DAB1: variants seen among roughly 807,000 people sequenced by gnomAD.
The protein encoded by DAB1 is DAB adaptor protein 1.
A neutral mutation model predicts 64.6 loss-of-function variants in DAB1; 15 were observed. The ratio of observed to expected loss-of-function variants is 0.23; its 90% CI spans 0.16 to 0.36. The LOEUF is 0.36. Among genes scored for constraint, DAB1 ranks in the 10% least tolerant of loss-of-function variants. The pLI, the probability that DAB1 is intolerant of heterozygous loss-of-function variation, is 1.00. For synonymous variants in DAB1, 235 were observed against 251.9 expected (o/e 0.93, Z 0.64); for missense variants, 596 against 706.7 (o/e 0.84, Z 1.78).
intron 8 of DAB1, among the ~76,000 whole-genome samples, chr1:57,067,868 A>G (rs963149350): frequency 6.6e-6 from 1 of 152,154 alleles, no homozygotes; most frequent in African/African-American, 2.4e-5. Context: ...CATTCTACAC[A>G]TGAGCTTGTG....
intron 7 of DAB1, among the ~76,000 whole-genome samples, chr1:57,564,114 C>T (rs1051358384): frequency 7.9e-5 from 12 of 152,164 alleles, no homozygotes; most frequent in African/African-American, 2.9e-4. Flanking sequence ...CAGGCAGCAA[C>T]ATTTGCTATT....
intron 5 of DAB1, among the ~76,000 whole-genome samples, chr1:58,108,115 T>G (rs1651769966): frequency 6.6e-6 from 1 of 152,200 alleles, no homozygotes; most frequent in Non-Finnish European, 1.5e-5. Flanking sequence ...GACTTCATTC[T>G]GAGAGCAAGG....
chr1:57,717,360 A>G (rs1015591610), intron 6 of DAB1, among the ~76,000 whole-genome samples: 14 of 152,318 alleles, frequency 9.2e-5, no homozygotes, highest in African/African-American at 3.4e-4. Context: ...CATTAAAACC[A>G]TCATGAGATA....
chr1:58,053,025 C>T (rs566275745), intron 5 of DAB1, among the ~76,000 whole-genome samples: 4 of 152,252 alleles, frequency 2.6e-5, no homozygotes, highest in African/African-American at 9.6e-5. Context: ...TGGGGAGCTG[C>T]CAGGCTTTTT....
chr1:58,104,065 T>C (rs1651491432), intron 5 of DAB1, among the ~76,000 whole-genome samples: 1 of 152,228 alleles, frequency 6.6e-6, no homozygotes, highest in Admixed American at 6.5e-5. Flanking sequence ...AAAGAGGACC[T>C]ATTTCTAAGA....
intron 3 of DAB1, among the ~76,000 whole-genome samples, chr1:58,504,610 T>C (rs1201548926): frequency 1.3e-5 from 2 of 152,220 alleles, no homozygotes; most frequent in Non-Finnish European, 2.9e-5. Context: ...GAAAACAGAC[T>C]GTTTTGTTCC....
intron 3 of DAB1, among the ~76,000 whole-genome samples, chr1:58,481,513 TA>T (rs1483338241): frequency 4.6e-5 from 7 of 152,114 alleles, no homozygotes; most frequent in Non-Finnish European, 8.8e-5. Flanking sequence ...CATTCAGATT[TA>T]AAAAGGCTCT....
At chr1:57,849,509 T>C (rs1466809493) in intron 1 of DAB1, among the ~76,000 whole-genome samples, 2 of 152,212 alleles carry the variant, frequency 1.3e-5, no homozygotes, top group African/African-American at 2.4e-5. Flanking sequence ...CAATAGGATC[T>C]GGCAGTTGAA....
chr1:58,356,253 T>C (rs1305184057), intron 3 of DAB1, among the ~76,000 whole-genome samples: 1 of 152,154 alleles, frequency 6.6e-6, no homozygotes, highest in Non-Finnish European at 1.5e-5. Context: ...ACAACCTGTA[T>C]GTAAAATGGC....
chr1:57,804,985 G>A (rs116387727), intron 6 of DAB1, among the ~76,000 whole-genome samples: 1 of 152,146 alleles, frequency 6.6e-6, no homozygotes, highest in Admixed American at 6.5e-5. Flanking sequence ...TCCCAGAGGG[G>A]AACAGAATCA....
intron 5 of DAB1, among the ~76,000 whole-genome samples, chr1:58,133,033 C>G (rs191035282): frequency 6.6e-6 from 1 of 152,172 alleles, no homozygotes; most frequent in African/African-American, 2.4e-5. Context: ...AAAAAGCTGA[C>G]AGATCATTAT....
At chr1:58,542,612 T>C (rs750816717) in intron 1 of DAB1, 1 of 152,036 alleles carries the variant, frequency 6.6e-6, no homozygotes, top group Non-Finnish European at 1.5e-5. Flanking sequence ...AATGGGAAAG[T>C]GTTTTAAGGT....
intron 4 of DAB1, among the ~76,000 whole-genome samples, chr1:58,332,478 C>T (rs1213643): frequency 0.83 from 125,604 of 152,174 alleles, 52,565 homozygotes; most frequent in East Asian, 1. Flanking sequence ...TTCCAGTGCA[C>T]ATAAAAGTTA....
At chr1:57,476,502 C>T (rs573816763) in intron 7 of DAB1, among the ~76,000 whole-genome samples, 3 of 152,184 alleles carry the variant, frequency 2.0e-5, no homozygotes, top group South Asian at 2.1e-4. Flanking sequence ...AACAATGGGA[C>T]CTTTTTCTTG....
chr1:58,401,946 C>G (rs1193068039), intron 3 of DAB1, among the ~76,000 whole-genome samples: 1 of 152,146 alleles, frequency 6.6e-6, no homozygotes, highest in Non-Finnish European at 1.5e-5. Context: ...GCTGAATTCC[C>G]TTATTTATCC....
intron 2 of DAB1, among the ~76,000 whole-genome samples, chr1:57,278,840 T>C (rs1020929316): frequency 6.6e-6 from 1 of 152,246 alleles, no homozygotes; most frequent in Non-Finnish European, 1.5e-5. Context: ...TGACTTTGTG[T>C]CGTCTTTCCA....
intron 5 of DAB1, among the ~76,000 whole-genome samples, chr1:57,946,118 C>T (rs943219652): frequency 6.6e-6 from 1 of 152,176 alleles, no homozygotes. Flanking sequence ...AGGGTTTTAC[C>T]AAACCATGCT....
intron 4 of DAB1, among the ~76,000 whole-genome samples, chr1:58,222,741 G>C (rs1379727758): frequency 2.0e-5 from 3 of 152,150 alleles, no homozygotes; most frequent in Non-Finnish European, 4.4e-5. Context: ...TTTCATACAA[G>C]TAAAAATGAC....
At chr1:58,276,696 G>C (rs1661453008) in intron 4 of DAB1, among the ~76,000 whole-genome samples, 2 of 152,180 alleles carry the variant, frequency 1.3e-5, no homozygotes, top group Admixed American at 6.5e-5. Context: ...AAATGGATTA[G>C]AGTACCAAAA....
Sources: gnomAD v4.1 joint callset for allele counts (sites outside exome capture counted in the v4.1 genomes callset) on GRCh38, gnomAD v4.1.1 for gene constraint, MANE v1.5 for transcripts, NCBI Gene and HGNC (gene_info 2026-07-23, HGNC 2026-07-21) for gene names.